The following ZNF138 variants were observed in gnomAD, a reference collection of about 807,000 sequenced individuals.
ZNF138 encodes the protein zinc finger protein 138.
A neutral mutation model predicts 33.0 loss-of-function variants in ZNF138; 33 were observed. That is an observed-to-expected ratio of 1.00 (90% CI 0.76 to 1.34). The LOEUF (loss-of-function observed/expected upper bound fraction) is 1.34, where lower values mean the gene tolerates loss of function less well. Among genes scored for constraint, ZNF138 ranks in the 40% most tolerant of loss-of-function variants. The pLI is 0.00. For synonymous variants in ZNF138, 139 were observed against 120.4 expected (o/e 1.15, Z -1.01); for missense variants, 360 against 370.8 (o/e 0.97, Z 0.24).
chr7:64,853,109 T>G, the ZNF138 span: 13 of 1,432,158 alleles, frequency 9.1e-6, no homozygotes, highest in Admixed American at 1.0e-4. Context: ...ATCTGTAGTT[T>G]GAACCAAGGA....
In ZNF138 at chr7:64,808,860, G is replaced by C. The variant is rs1341794055; in HGVS notation, c.4-6058G>C. Among the ~76,000 whole-genome samples, 24 of 137,078 alleles carry C rather than the reference G, an allele frequency of 1.8e-4. 2 individuals are homozygous for C. The highest frequency in any genetic ancestry group is 3.3e-5 in the Non-Finnish European group (2 of 60,784). The allele number at this position is 137,078 out of a possible 152,430, so 89.9% of individuals were successfully genotyped here. On this transcript the variant is annotated intron_variant, in intron 1 of 3. Coordinates refer to ENST00000307355, the MANE Select transcript of ZNF138 (RefSeq NM_001271639.2). ...CACCGCCCTTAATCCATTTAACCCTGAGTGGACACAGCACATGTTTCAGAG... is the reference window on the plus strand; with the variant it reads ...CACCGCCCTTAATCCATTTAACCCTCAGTGGACACAGCACATGTTTCAGAG...
chr7:64,826,223 T>C (rs1245822941), intron 3 of ZNF138, among the ~76,000 whole-genome samples: 1 of 152,240 alleles, frequency 6.6e-6, no homozygotes, highest in Non-Finnish European at 1.5e-5. Context: ...TTTTTCTGTT[T>C]TACTGCCTTA....
chr7:64,800,765 CT>C (rs577860223), intron 1 of ZNF138, among the ~76,000 whole-genome samples: 1 of 151,874 alleles, frequency 6.6e-6, no homozygotes, highest in East Asian at 1.9e-4. Context: ...GGTACCAGCT[CT>C]TTTTTTTATA....
At chr7:64,805,987 G>A (rs1359742295) in intron 1 of ZNF138, among the ~76,000 whole-genome samples, 1 of 152,240 alleles carries the variant, frequency 6.6e-6, no homozygotes, top group East Asian at 1.9e-4. Flanking sequence ...AACAGATTGA[G>A]TGTGATGCAT....
the ZNF138 span, among the ~76,000 whole-genome samples, chr7:64,843,849 A>G: frequency 5.2e-4 from 78 of 149,856 alleles, 2 homozygotes; most frequent in Non-Finnish European, 1.5e-5. Context: ...GTTTTTTGAG[A>G]TGGAGTTTCG....
chr7:64,848,443 A>G, the ZNF138 span, among the ~76,000 whole-genome samples: 12 of 151,872 alleles, frequency 7.9e-5, 1 homozygote, highest in South Asian at 2.5e-3. Context: ...TCTATTGCTG[A>G]GACTTTCCAG....
At chr7:64,795,681 CT>C (rs35138594) in intron 1 of ZNF138, among the ~76,000 whole-genome samples, 18,099 of 140,866 alleles carry the variant, frequency 0.13, 1,323 homozygotes, top group East Asian at 0.4. Flanking sequence ...ATCTCTGTGC[CT>C]TTTTTTTTTT....
At chr7:64,819,642 T>C (rs538253576) in intron 3 of ZNF138, among the ~76,000 whole-genome samples, 3 of 152,318 alleles carry the variant, frequency 2.0e-5, no homozygotes, top group African/African-American at 4.8e-5. Flanking sequence ...GTGCTAGGAT[T>C]ACAAGCGGCA....
At chr7:64,799,549 C>T (rs1786973015) in intron 1 of ZNF138, among the ~76,000 whole-genome samples, 1 of 152,110 alleles carries the variant, frequency 6.6e-6, no homozygotes. Context: ...TTTTGTAATT[C>T]TTGTAGAGAT....
intron 3 of ZNF138, among the ~76,000 whole-genome samples, chr7:64,821,132 C>T (rs1789109304): frequency 6.7e-6 from 1 of 150,244 alleles, no homozygotes; most frequent in South Asian, 2.1e-4. Context: ...CTCCGTCGCC[C>T]AGGCTGGAGT....
At chr7:64,838,388 T>C (rs1325874243), downstream of ZNF138, among the ~76,000 whole-genome samples, 1 of 114,758 alleles carries the variant, frequency 8.7e-6, no homozygotes, top group Non-Finnish European at 1.8e-5. Context: ...GGCAGGACGG[T>C]TGCTGTTGGC....
intron 1 of ZNF138, among the ~76,000 whole-genome samples, chr7:64,802,904 TC>T (rs1460550119): frequency 1.3e-5 from 2 of 151,594 alleles, no homozygotes; most frequent in African/African-American, 4.8e-5. Flanking sequence ...CCTCGTTTTG[TC>T]TTGTCTTATG....
chr7:64,832,955 C>A lies in ZNF138; in HGVS notation c.*753C>A. On this transcript the variant is annotated 3_prime_UTR_variant, in exon 4 of 4. Transcript: ENST00000307355. ...GATGTGGCAGTTGTTTTAACTAGTTCTCGAACTTTACTATGCATAAGAAAA... is the reference window on the plus strand; with the variant it reads ...GATGTGGCAGTTGTTTTAACTAGTTATCGAACTTTACTATGCATAAGAAAA... 2.6e-6 allele frequency: 1 copy of A among 391,742 alleles called. No individual in the cohort carries two copies. The highest frequency in any genetic ancestry group is 2.0e-5 in the South Asian group (1 of 48,980). 24.3% of individuals were successfully genotyped at this position (391,742 alleles called of 1,614,324 possible).
Position 64,822,255 on chromosome 7 carries a change from T to G in ZNF138, c.208+6602T>G, listed in dbSNP as rs926748250. Among the ~76,000 whole-genome samples the G allele has an allele frequency of 2.0e-5, 3 of 151,614 alleles. 1 individual carries two copies. The highest frequency in any genetic ancestry group is 7.3e-5 in the African/African-American group (3 of 40,898). ...ATTTTCACCCATTTTCTAGGAGACCTTATCACTCTATTGAATGCTGTATTT... is the reference window on the plus strand; with the variant it reads ...ATTTTCACCCATTTTCTAGGAGACCGTATCACTCTATTGAATGCTGTATTT... On this transcript the variant is annotated intron_variant, in intron 3 of 3. Transcript: ENST00000307355.
chr7:64,852,726 G>T, the ZNF138 span: 2 of 1,041,108 alleles, frequency 1.9e-6, no homozygotes, highest in East Asian at 2.4e-5. Flanking sequence ...AGCCACTGAT[G>T]CACAGCCACT....
Position 64,832,725 on chromosome 7 carries a change from ATCAT to A in ZNF138, c.*528_*531del, listed in dbSNP as rs910992385. ...GTCCTCAACTCTTACTGCACATAAG[ATCAT>A]TCATACTGGAGAGAAACCTTACAAA... On this transcript the variant is annotated 3_prime_UTR_variant, in exon 4 of 4. Transcript: ENST00000307355. 2 of 447,250 alleles carry A rather than the reference ATCAT, an allele frequency of 4.5e-6. No homozygotes were observed. Among genetic ancestry groups the A allele is most frequent in the Admixed American group, 5.3e-5 (2 of 37,826 alleles). 27.7% of individuals were successfully genotyped at this position (447,250 alleles called of 1,614,324 possible). A position where few individuals can be genotyped will look rare whatever the true frequency, so the allele number is the denominator to read the frequency against.
chr7:64,811,720 T>C (rs1240269277), intron 1 of ZNF138, among the ~76,000 whole-genome samples: 1 of 152,224 alleles, frequency 6.6e-6, no homozygotes, highest in Non-Finnish European at 1.5e-5. Flanking sequence ...TCTTCATTTG[T>C]CCTAGAAGTA....
Position 64,831,761 on chromosome 7 carries a change from CAA to C in ZNF138, c.521_522del (p.Lys174IlefsTer12). ...NKHFRCKECD[K>X]SLCMLSRLTQ... is the part of the protein sequence containing the mutation. ...AACATTTCAGATGTAAAGAATGTGACAAATCACTTTGCATGCTTTCACGCCTA... is the reference window on the plus strand; with the variant it reads ...AACATTTCAGATGTAAAGAATGTGACATCACTTTGCATGCTTTCACGCCTA... On this transcript the variant is annotated frameshift_variant, in exon 4 of 4. Transcript: ENST00000307355. LOFTEE classifies it high-confidence loss of function. 2 of 1,613,626 alleles carry C rather than the reference CAA, an allele frequency of 1.2e-6. No homozygotes were observed. The highest frequency in any genetic ancestry group is 2.2e-5 in the South Asian group (2 of 90,922).
Position 64,831,833 on chromosome 7 carries a change from T to C in ZNF138, c.591T>C (p.Cys197=). 1 of 1,613,866 alleles carries C rather than the reference T, an allele frequency of 6.2e-7. No individual in the cohort carries two copies. The highest frequency in any genetic ancestry group is 1.1e-5 in the South Asian group (1 of 91,028). ...ATACTAGAGAGAATTTCTACAAATG[T>C]GAAGAGTGTGGAAAAACCTTTAACT... The part of the protein sequence containing the change: ...KIHTRENFYK[C]EECGKTFNWS... The change falls in exon 4 of 4, where the codon TGT becomes TGC. Residue 197 remains cysteine (C), a synonymous_variant. Transcript: ENST00000307355.
Sources: gnomAD v4.1 joint callset for allele counts (sites outside exome capture counted in the v4.1 genomes callset) on GRCh38, gnomAD v4.1.1 for gene constraint, MANE v1.5 for transcripts, NCBI Gene and HGNC (gene_info 2026-07-23, HGNC 2026-07-21) for gene names.